Variants in RBFOX1 observed in about 807,000 individuals in gnomAD.
RBFOX1 encodes the protein RNA binding fox-1 homolog 1.
A neutral mutation model predicts 57.7 loss-of-function variants in RBFOX1; 8 were observed. The ratio of observed to expected loss-of-function variants is 0.14; its 90% CI spans 0.08 to 0.25. RBFOX1 has a LOEUF of 0.25. Among genes scored for constraint, RBFOX1 ranks in the 10% least tolerant of loss-of-function variants. The pLI is 1.00. For missense variants in RBFOX1, 611 were observed against 548.5 expected, an observed-to-expected ratio of 1.11 and a Z score of -1.14; for synonymous variants, 326 against 222.4, an observed-to-expected ratio of 1.47 and a Z score of -4.15.
At chr16:5,777,013 T>A (rs77463433) in intron 3 of RBFOX1, among the ~76,000 whole-genome samples, 1 of 152,180 alleles carries the variant, frequency 6.6e-6, no homozygotes, top group African/African-American at 2.4e-5. Flanking sequence ...CACCATATGG[T>A]GTAGCACAGC....
At chr16:7,485,021 C>G (rs149329911) in intron 4 of RBFOX1, among the ~76,000 whole-genome samples, 18 of 151,214 alleles carry the variant, frequency 1.2e-4, no homozygotes, top group Admixed American at 4.6e-4. Flanking sequence ...TCTTGCATAT[C>G]AAAATTTGTA....
chr16:7,112,049 A>AGT (rs201271135), intron 4 of RBFOX1, among the ~76,000 whole-genome samples: 4,284 of 152,246 alleles, frequency 0.028, 92 homozygotes, highest in Non-Finnish European at 0.042. Context: ...AAGGGAGGTA[A>AGT]GTGTGTGTGT....
chr16:5,329,721 C>T (rs759282116), intron 1 of RBFOX1, among the ~76,000 whole-genome samples: 6 of 152,142 alleles, frequency 3.9e-5, no homozygotes, highest in Non-Finnish European at 8.8e-5. Context: ...ATATGTGGGC[C>T]GGGCGCGGTG....
At chr16:7,085,307 G>A (rs1242743928) in intron 4 of RBFOX1, among the ~76,000 whole-genome samples, 1 of 152,088 alleles carries the variant, frequency 6.6e-6, no homozygotes, top group East Asian at 1.9e-4. Flanking sequence ...ACCGGCTCAT[G>A]GTTATCACTT....
chr16:7,611,445 G>T (rs750453736), intron 10 of RBFOX1, among the ~76,000 whole-genome samples: 27 of 152,068 alleles, frequency 1.8e-4, no homozygotes, highest in Non-Finnish European at 3.5e-4. Context: ...TGGGCATAGT[G>T]GTGTGCCCCT....
intron 3 of RBFOX1, among the ~76,000 whole-genome samples, chr16:5,765,261 T>C (rs887571366): frequency 6.6e-6 from 1 of 152,132 alleles, no homozygotes; most frequent in African/African-American, 2.4e-5. Flanking sequence ...GGGCCAAGGA[T>C]ACCAGCAGCA....
intron 1 of RBFOX1, among the ~76,000 whole-genome samples, chr16:6,034,099 C>A (rs183505925): frequency 1.3e-5 from 2 of 151,846 alleles, no homozygotes; most frequent in Non-Finnish European, 2.9e-5. Flanking sequence ...CTTTGGGAGG[C>A]CGAGGTGGGC....
chr16:6,637,403 A>ATATAAATT (rs2098452421), intron 2 of RBFOX1, among the ~76,000 whole-genome samples: 1 of 56,140 alleles, frequency 1.8e-5, no homozygotes, highest in African/African-American at 7.8e-5. Flanking sequence ...TATATTAAAT[A>ATATAAATT]TATATATTAT....
chr16:5,804,239 T>C lies in RBFOX1; in HGVS notation c.319-63064T>C, dbSNP rs561660555. ...GTGAGGAAATAAATGCATGAATTAA[T>C]GGATGAATTGTTGGATAGGTGGATA... On this transcript the variant is annotated intron_variant, in intron 3 of 19. Coordinates refer to the RBFOX1 transcript ENST00000641259. Among the ~76,000 whole-genome samples, 7 of 152,318 alleles carry C rather than the reference T, an allele frequency of 4.6e-5. No homozygotes were observed. In the South Asian group the frequency reaches 1.5e-3, roughly 32 times the overall value.
intron 1 of RBFOX1, among the ~76,000 whole-genome samples, chr16:6,109,015 A>G (rs745313122): frequency 2.6e-5 from 4 of 152,146 alleles, no homozygotes; most frequent in Non-Finnish European, 4.4e-5. Context: ...TTAGGACCTG[A>G]TATCTTCGGG....
At chr16:6,600,816 AAGAT>A (rs202123662) in intron 2 of RBFOX1, among the ~76,000 whole-genome samples, 3,746 of 152,308 alleles carry the variant, frequency 0.025, 73 homozygotes, top group Middle Eastern at 0.11. Flanking sequence ...TAAGAAAAAA[AAGAT>A]AGAAAAAAAA....
intron 4 of RBFOX1, among the ~76,000 whole-genome samples, chr16:7,374,278 C>A (rs1036635920): frequency 6.6e-6 from 1 of 152,256 alleles, no homozygotes; most frequent in East Asian, 1.9e-4. Flanking sequence ...TCCGTGTTTT[C>A]GCTGTGTAAG....
intron 4 of RBFOX1, among the ~76,000 whole-genome samples, chr16:7,223,286 G>A (rs992940605): frequency 6.6e-6 from 1 of 152,140 alleles, no homozygotes; most frequent in Non-Finnish European, 1.5e-5. Context: ...TGAAACCCTG[G>A]GTGTCTCTTG....
At chr16:6,570,206 G>A (rs2097326069) in intron 2 of RBFOX1, among the ~76,000 whole-genome samples, 2 of 152,226 alleles carry the variant, frequency 1.3e-5, no homozygotes, top group South Asian at 4.1e-4. Flanking sequence ...ATTGACCATG[G>A]ATTTATATTT....
chr16:6,491,625 T>C lies in RBFOX1; in HGVS notation c.-63-162978T>C, dbSNP rs75238182. 3.3e-5 allele frequency among the ~76,000 whole-genome samples: 5 copies of C among 152,326 alleles called. No individual in the cohort carries two copies. In the East Asian group the frequency reaches 9.6e-4, roughly 29 times the overall value. ...TGAGTGCCTGCAATAAGCTAGACAC[T>C]GTACTAATTCCCAGATGTGCATTAT... On this transcript the variant is annotated intron_variant, in intron 2 of 15. Coordinates refer to ENST00000550418, the MANE Select transcript of RBFOX1 (RefSeq NM_018723.4).
chr16:7,549,788 G>T (rs2085754417), intron 5 of RBFOX1, among the ~76,000 whole-genome samples: 1 of 152,058 alleles, frequency 6.6e-6, no homozygotes, highest in Non-Finnish European at 1.5e-5. Context: ...GATTGTACGT[G>T]GGTCTGCCTT....
At chr16:6,234,043 C>T (rs1014156830) in intron 1 of RBFOX1, among the ~76,000 whole-genome samples, 1 of 152,130 alleles carries the variant, frequency 6.6e-6, no homozygotes, top group African/African-American at 2.4e-5. Context: ...CGTGTCCTCA[C>T]ATGGCAGATG....
At chr16:5,677,476 G>C (rs1420325548) in intron 3 of RBFOX1, among the ~76,000 whole-genome samples, 3 of 152,180 alleles carry the variant, frequency 2.0e-5, no homozygotes, top group African/African-American at 7.2e-5. Context: ...GAGTGATTAG[G>C]AGTGAAGGAT....
intron 3 of RBFOX1, among the ~76,000 whole-genome samples, chr16:6,726,857 G>T (rs571278371): frequency 1.3e-5 from 2 of 152,162 alleles, no homozygotes; most frequent in South Asian, 4.2e-4. Context: ...GGGATGATTT[G>T]GGGGTGGCTT....
Sources: gnomAD v4.1 joint callset for allele counts (sites outside exome capture counted in the v4.1 genomes callset) on GRCh38, gnomAD v4.1.1 for gene constraint, MANE v1.5 for transcripts, NCBI Gene and HGNC (gene_info 2026-07-23, HGNC 2026-07-21) for gene names.